ZFHX3: variants seen among roughly 807,000 people sequenced by gnomAD.
ZFHX3 encodes zinc finger homeobox protein 3.
A neutral mutation model predicts 279.1 loss-of-function variants in ZFHX3; 42 were observed. That is an observed-to-expected ratio of 0.15 (90% confidence interval 0.12 to 0.19). ZFHX3 has a LOEUF of 0.19. ZFHX3 is among the 10% of genes least tolerant of loss of function. ZFHX3 has a pLI of 1.00. For synonymous variants in ZFHX3, 2,293 were observed against 1,957.8 expected, an observed-to-expected ratio of 1.17 and a Z score of -4.52; for missense variants, 4,981 against 4,754.0, an observed-to-expected ratio of 1.05 and a Z score of -1.40.
chr16:73,644,585 C>T (rs918555217), intron 2 of ZFHX3, among the ~76,000 whole-genome samples: 4 of 152,134 alleles, frequency 2.6e-5, no homozygotes, highest in African/African-American at 4.8e-5. Flanking sequence ...TGCTTGAACC[C>T]AGGAGATGGA....
At position 72,958,375 on chromosome 16, in the gene ZFHX3, C is replaced by T. The variant is rs767435394; in HGVS notation, c.1771G>A (p.Ala591Thr). Residue 591 changes from alanine (A) to threonine (T), a missense_variant, in exon 2 of 10, where the codon GCT (alanine) becomes ACT (threonine). Physicochemically the swap from Ala to Thr is moderately conservative, Grantham distance 58 (BLOSUM62 0). Around this residue, in one of 7 missense-constraint regions of ZFHX3, gnomAD observed 1,068 missense variants for 935.2 expected, o/e 1.14. Transcript: ENST00000268489. Reference sequence around the variant, plus strand: ...TTGTCTTTATTGGCACTTTCGTCAGCGAAGTCCAGCCTCCTGCCGCCCTCT... The same window carrying T: ...TTGTCTTTATTGGCACTTTCGTCAGTGAAGTCCAGCCTCCTGCCGCCCTCT... ...VAEGGRRLDF[A>T]DESANKDNAT... 3.0e-5 allele frequency: 48 copies of T among 1,614,030 alleles called. No individual in the cohort carries two copies. The highest frequency in any genetic ancestry group is 1.2e-4 in the South Asian group (11 of 91,074).
intron 4 of ZFHX3, among the ~76,000 whole-genome samples, chr16:72,851,448 C>T (rs1477816910): frequency 2.0e-5 from 3 of 152,166 alleles, no homozygotes; most frequent in Non-Finnish European, 4.4e-5. Flanking sequence ...GGCAAAAGTC[C>T]CAGTGTACTT....
At chr16:73,363,426 G>A (rs2016468597) in intron 3 of ZFHX3, among the ~76,000 whole-genome samples, 1 of 152,086 alleles carries the variant, frequency 6.6e-6, no homozygotes, top group South Asian at 2.1e-4. Context: ...AAAGACACTC[G>A]GCATTGTTTT....
chr16:72,845,101 C>T (rs923857431), intron 4 of ZFHX3, among the ~76,000 whole-genome samples: 2 of 152,234 alleles, frequency 1.3e-5, no homozygotes, highest in African/African-American at 2.4e-5. Flanking sequence ...GGGCAAGGTG[C>T]GGACACCAGA....
intron 3 of ZFHX3, among the ~76,000 whole-genome samples, chr16:73,340,838 G>C (rs958840603): frequency 6.6e-6 from 1 of 152,054 alleles, no homozygotes; most frequent in Non-Finnish European, 1.5e-5. Context: ...AAAAACATGG[G>C]TGAATTCTTG....
chr16:73,438,689 T>G (rs1295924854), intron 3 of ZFHX3, among the ~76,000 whole-genome samples: 3 of 151,804 alleles, frequency 2.0e-5, no homozygotes, highest in African/African-American at 7.3e-5. Flanking sequence ...TGATAACCCT[T>G]AATTATTATT....
intron 2 of ZFHX3, among the ~76,000 whole-genome samples, chr16:73,483,965 G>A (rs1337445471): frequency 7.6e-6 from 1 of 132,124 alleles, no homozygotes; most frequent in Non-Finnish European, 1.6e-5. Context: ...TCTGCATTGT[G>A]TTGTTAATAC....
intron 3 of ZFHX3, among the ~76,000 whole-genome samples, chr16:73,368,738 G>A (rs547438619): frequency 1.8e-4 from 28 of 152,268 alleles, no homozygotes; most frequent in African/African-American, 6.3e-4. Context: ...GAGTGCAAAG[G>A]TTGTTAAAGG....
intron 8 of ZFHX3, among the ~76,000 whole-genome samples, chr16:73,070,938 G>GCACACA (rs768410525): frequency 4.7e-3 from 106 of 22,614 alleles, no homozygotes; most frequent in African/African-American, 6.8e-3. Context: ...GCGCGCGCGC[G>GCACACA]CACACACACA....
chr16:73,490,284 A>G (rs2019037881), intron 2 of ZFHX3, among the ~76,000 whole-genome samples: 1 of 152,220 alleles, frequency 6.6e-6, no homozygotes, highest in Admixed American at 6.5e-5. Flanking sequence ...TTCCACTAAC[A>G]TATTCCCAAA....
chr16:73,216,170 T>C (rs1238580179), intron 5 of ZFHX3, among the ~76,000 whole-genome samples: 2 of 152,196 alleles, frequency 1.3e-5, no homozygotes, highest in Non-Finnish European at 2.9e-5. Context: ...TTCGGGAAGC[T>C]TTGTTACACA....
intron 3 of ZFHX3, among the ~76,000 whole-genome samples, chr16:72,947,134 G>C (rs1337304772): frequency 6.6e-6 from 1 of 152,218 alleles, no homozygotes; most frequent in Non-Finnish European, 1.5e-5. Context: ...TTTCAATCAG[G>C]AGCACTTTGC....
intron 2 of ZFHX3, among the ~76,000 whole-genome samples, chr16:73,606,350 G>C (rs1488121131): frequency 6.6e-6 from 1 of 151,888 alleles, no homozygotes; most frequent in Non-Finnish European, 1.5e-5. Context: ...GCCAGGCGTG[G>C]TGGTGCGCAC....
intron 5 of ZFHX3, among the ~76,000 whole-genome samples, chr16:73,178,648 G>GT (rs1967719898): frequency 6.6e-6 from 1 of 152,064 alleles, no homozygotes; most frequent in African/African-American, 2.4e-5. Flanking sequence ...CAACACAATA[G>GT]TTTATTTTAT....
At chr16:72,967,683 G>A (rs539650027) in intron 1 of ZFHX3, among the ~76,000 whole-genome samples, 8 of 151,630 alleles carry the variant, frequency 5.3e-5, no homozygotes, top group African/African-American at 1.7e-4. Flanking sequence ...TTGGGAGGCC[G>A]AGGCGGGCAG....
chr16:72,997,570 G>A (rs561406693), intron 1 of ZFHX3, among the ~76,000 whole-genome samples: 1 of 152,218 alleles, frequency 6.6e-6, no homozygotes, highest in East Asian at 1.9e-4. Context: ...TGTCTAAGGT[G>A]GGGTAATCTG....
chr16:73,711,153 C>T (rs770082862), intron 1 of ZFHX3, among the ~76,000 whole-genome samples: 2 of 152,068 alleles, frequency 1.3e-5, no homozygotes, highest in Non-Finnish European at 2.9e-5. Context: ...TAACTGTATC[C>T]ATTCCCTCTC....
At chr16:73,727,539 A>C (rs1261782832) in intron 1 of ZFHX3, among the ~76,000 whole-genome samples, 3 of 152,170 alleles carry the variant, frequency 2.0e-5, no homozygotes, top group East Asian at 3.9e-4. Context: ...TCTACCATTA[A>C]GGATTGTGGC....
rs1366093364 is a variant in ZFHX3 at position 72,795,788 on chromosome 16, C to T, written c.6894G>A (p.Arg2298=). The change falls in exon 9 of 10, where the codon AGG becomes AGA. Residue 2298 remains arginine (R), a synonymous_variant. Coordinates refer to ENST00000268489, the MANE Select transcript of ZFHX3 (RefSeq NM_006885.4). ...CCTCTCCCTGATTCTCATAATTCTT[C>T]CTGGCCTTCTGTCGGGCATTCTGAA... ...VWFQNARQKA[R]KNYENQGEGK... 5 of 1,614,096 alleles carry T rather than the reference C, an allele frequency of 3.1e-6. No individual in the cohort carries two copies. In the East Asian group the frequency reaches 6.7e-5, roughly 22 times the overall value.
Sources: allele counts gnomAD v4.1 joint callset (sites outside exome capture counted in the v4.1 genomes callset), GRCh38; gene constraint gnomAD v4.1.1; regional missense constraint gnomAD v4.1.1; transcripts MANE v1.5; gene names NCBI Gene and HGNC (gene_info 2026-07-23, HGNC 2026-07-21).